The following ANO3 variants were observed in gnomAD, a reference collection of about 807,000 sequenced individuals.
The protein encoded by ANO3 is anoctamin 3.
ANO3 carries 99 observed loss-of-function variants against 144.8 expected under a neutral mutation model. That is an observed-to-expected ratio of 0.68 (90% confidence interval 0.58 to 0.81). ANO3 has a LOEUF of 0.81. Among genes scored for constraint, ANO3 ranks in the 30% least tolerant of loss-of-function variants. The pLI, the probability that ANO3 is intolerant of heterozygous loss-of-function variation, is 0.00. For missense variants in ANO3, 905 were observed against 1,202.2 expected, an observed-to-expected ratio of 0.75 and a Z score of 3.66; for synonymous variants, 414 against 392.6, an observed-to-expected ratio of 1.05 and a Z score of -0.64.
At chr11:26,630,055 C>T (rs545780717) in intron 18 of ANO3, among the ~76,000 whole-genome samples, 1 of 152,152 alleles carries the variant, frequency 6.6e-6, no homozygotes, top group Non-Finnish European at 1.5e-5. Context: ...TCACAAGTAA[C>T]AAGAAGATAA....
chr11:26,294,689 G>C (rs77067859), intron 1 of ANO3, among the ~76,000 whole-genome samples: 3,260 of 152,240 alleles, frequency 0.021, 107 homozygotes, highest in African/African-American at 0.071. Context: ...CCCTCACTCA[G>C]AAAGACTGCC....
intron 1 of ANO3, among the ~76,000 whole-genome samples, chr11:26,222,884 C>T (rs187614626): frequency 3.3e-5 from 5 of 152,138 alleles, no homozygotes; most frequent in Non-Finnish European, 5.9e-5. Context: ...CCTCCTAGGC[C>T]TCTGGACCTG....
At chr11:26,515,012 T>C (rs1331455157) in intron 5 of ANO3, among the ~76,000 whole-genome samples, 2 of 151,894 alleles carry the variant, frequency 1.3e-5, no homozygotes, top group Non-Finnish European at 2.9e-5. Context: ...GAATCAATAG[T>C]CACTTTAAAA....
intron 1 of ANO3, among the ~76,000 whole-genome samples, chr11:26,280,410 T>C (rs867564024): frequency 1.3e-5 from 2 of 152,112 alleles, no homozygotes; most frequent in Non-Finnish European, 2.9e-5. Context: ...CAGTAGGCCA[T>C]CTACAAGCTG....
At chr11:26,381,438 CTTTTT>C (rs1856586849) in intron 1 of ANO3, among the ~76,000 whole-genome samples, 1 of 152,144 alleles carries the variant, frequency 6.6e-6, no homozygotes, top group Non-Finnish European at 1.5e-5. Flanking sequence ...TTTCAATAGG[CTTTTT>C]CCTACTACGC....
chr11:26,467,221 C>A (rs1389760908), intron 4 of ANO3, among the ~76,000 whole-genome samples: 1 of 151,856 alleles, frequency 6.6e-6, no homozygotes, highest in Non-Finnish European at 1.5e-5. Context: ...TTGATACAGG[C>A]ATACAAAATA....
intron 1 of ANO3, among the ~76,000 whole-genome samples, chr11:26,274,057 G>A (rs1232339900): frequency 6.6e-6 from 1 of 151,818 alleles, no homozygotes. Context: ...GAAAAAAATA[G>A]ACAGTGGATG....
chr11:26,332,681 T>A (rs1204570353), intron 1 of ANO3, among the ~76,000 whole-genome samples: 2 of 152,114 alleles, frequency 1.3e-5, no homozygotes, highest in Non-Finnish European at 2.9e-5. Flanking sequence ...ATCTGCCGTC[T>A]TCTGTGGTTC....
chr11:26,602,588 C>CTTTTTTT (rs113082487), intron 17 of ANO3, among the ~76,000 whole-genome samples: 1 of 138,882 alleles, frequency 7.2e-6, no homozygotes, highest in African/African-American at 2.7e-5. Flanking sequence ...CTTTTCTTTT[C>CTTTTTTT]TTTTTTTTTT....
intron 1 of ANO3, among the ~76,000 whole-genome samples, chr11:26,283,321 A>T (rs1037897): frequency 0.024 from 1,153 of 48,390 alleles, 54 homozygotes; most frequent in Non-Finnish European, 0.033. Context: ...CAAATAAATA[A>T]ATATATATAT....
intron 1 of ANO3, among the ~76,000 whole-genome samples, chr11:26,370,213 C>A (rs1856209879): frequency 6.6e-6 from 1 of 152,090 alleles, no homozygotes; most frequent in African/African-American, 2.4e-5. Flanking sequence ...TGCTATTCTC[C>A]TGATAGTAAG....
intron 1 of ANO3, among the ~76,000 whole-genome samples, chr11:26,220,406 C>T (rs989964594): frequency 4.6e-5 from 7 of 152,162 alleles, no homozygotes; most frequent in Non-Finnish European, 7.4e-5. Context: ...ACTCACGAGG[C>T]CTTACTGTCT....
chr11:26,528,922 GTATTTAT>G (rs1439468512), intron 7 of ANO3, among the ~76,000 whole-genome samples: 1 of 149,156 alleles, frequency 6.7e-6, no homozygotes, highest in African/African-American at 2.5e-5. Context: ...CAAATACTAT[GTATTTAT>G]TATTTTAGGC....
intron 4 of ANO3, among the ~76,000 whole-genome samples, chr11:26,482,659 A>C (rs966002897): frequency 6.6e-6 from 1 of 152,162 alleles, no homozygotes; most frequent in Non-Finnish European, 1.5e-5. Context: ...GTTTTGCTAC[A>C]TGGATATATT....
In ANO3 at chr11:26,337,199, C is replaced by A. The variant is rs866720012; in HGVS notation, c.46+4878C>A. 9.9e-5 allele frequency among the ~76,000 whole-genome samples: 15 copies of A among 152,246 alleles called. No homozygotes were observed. The South Asian group carries it at 1.7e-3, about 17-fold the overall frequency. Reference sequence around the variant, plus strand: ...TGTCTGGGACTGTAACTTAAAAAATCTTGCATATATACCTCAGATGGCTCA... The same window carrying A: ...TGTCTGGGACTGTAACTTAAAAAATATTGCATATATACCTCAGATGGCTCA... On this transcript the variant is annotated intron_variant, in intron 1 of 26. Coordinates refer to ENST00000256737, the MANE Select transcript of ANO3 (RefSeq NM_031418.4).
At chr11:26,527,789 C>A (rs1170496531) in intron 7 of ANO3, among the ~76,000 whole-genome samples, 2 of 152,140 alleles carry the variant, frequency 1.3e-5, no homozygotes, top group African/African-American at 4.8e-5. Flanking sequence ...AGCATTTTCA[C>A]ATTCAATTAT....
chr11:26,528,291 G>A (rs1163138908), intron 7 of ANO3, among the ~76,000 whole-genome samples: 1 of 150,104 alleles, frequency 6.7e-6, no homozygotes, highest in Admixed American at 6.6e-5. Context: ...ACTTAGTGAG[G>A]GCCCAAGAAA....
intron 1 of ANO3, among the ~76,000 whole-genome samples, chr11:26,396,332 C>T (rs1017447037): frequency 6.6e-6 from 1 of 152,152 alleles, no homozygotes; most frequent in African/African-American, 2.4e-5. Context: ...CACTTTTACA[C>T]TGTTGGTAGG....
chr11:26,653,507 C>A (rs566140531), intron 24 of ANO3, among the ~76,000 whole-genome samples: 82 of 152,202 alleles, frequency 5.4e-4, no homozygotes, highest in Non-Finnish European at 8.8e-4. Flanking sequence ...TAAGTTCATT[C>A]ATGTAATTCA....
Sources: allele counts gnomAD v4.1 joint callset (sites outside exome capture counted in the v4.1 genomes callset), GRCh38; gene constraint gnomAD v4.1.1; transcripts MANE v1.5; gene names NCBI Gene and HGNC (gene_info 2026-07-23, HGNC 2026-07-21).